Variants in GNG4 observed in about 807,000 individuals in gnomAD.
The protein encoded by GNG4 is G protein subunit gamma 4.
In GNG4, 4 loss-of-function variants were observed where a neutral mutation model predicts 5.8. The observed-to-expected ratio is 0.69, with a 90% CI of 0.34 to 1.57. The LOEUF (loss-of-function observed/expected upper bound fraction) is 1.57. GNG4 is among the 40% of genes most tolerant of loss of function. The probability of loss-of-function intolerance (pLI) is 0.06; values close to 1 mark genes in which losing one functional copy is unlikely to be tolerated. For synonymous variants in GNG4, 29 were observed against 32.9 expected (o/e 0.88, Z 0.41); for missense variants, 96 against 95.1 (o/e 1.01, Z -0.04).
intron 3 of GNG4, among the ~76,000 whole-genome samples, chr1:235,581,512 C>T (rs1376375407): frequency 6.6e-6 from 1 of 150,732 alleles, no homozygotes; most frequent in African/African-American, 2.4e-5. Context: ...GAGACTCCGT[C>T]TCAAAAAAGA....
chr1:235,622,746 T>C (rs906641160), intron 1 of GNG4, among the ~76,000 whole-genome samples: 1 of 151,582 alleles, frequency 6.6e-6, no homozygotes, highest in South Asian at 2.1e-4. Flanking sequence ...TCAGGTGTGG[T>C]GGTGGACCCC....
At chr1:235,650,097 G>A (rs1490409506), upstream of GNG4, 1 of 146,276 alleles carries the variant, frequency 6.8e-6, no homozygotes, top group Non-Finnish European at 1.5e-5. Context: ...CGCGCTCCCC[G>A]CCCCCGCCCC....
At chr1:235,623,060 T>G (rs1250640811) in intron 1 of GNG4, among the ~76,000 whole-genome samples, 2 of 151,504 alleles carry the variant, frequency 1.3e-5, no homozygotes, top group South Asian at 4.2e-4. Flanking sequence ...TAAAAAAGAA[T>G]GAGATGATCC....
chr1:235,561,299 G>A (rs182593581), intron 3 of GNG4, among the ~76,000 whole-genome samples: 29 of 152,240 alleles, frequency 1.9e-4, no homozygotes, highest in Middle Eastern at 3.4e-3. Context: ...GTGAGCCACC[G>A]CGCCCGGCCA....
intron 1 of GNG4, among the ~76,000 whole-genome samples, chr1:235,631,580 T>C (rs1006067490): frequency 4.0e-5 from 6 of 151,852 alleles, no homozygotes; most frequent in African/African-American, 1.5e-4. Flanking sequence ...TCTTTCTTTT[T>C]TTTTTTTTCA....
rs116518724 is a variant in GNG4, at chr1:235,593,294, A to G, written c.-11+2106T>C. On this transcript the variant is annotated intron_variant, in intron 2 of 3. Coordinates refer to ENST00000391854, the MANE Select transcript of GNG4 (RefSeq NM_001098722.2). Reference sequence around the variant, plus strand: ...GGCTGCATCTTGCAGCACACAACTCAGTAAATACAAAGTTGGGGCTGGGAG... The same window carrying G: ...GGCTGCATCTTGCAGCACACAACTCGGTAAATACAAAGTTGGGGCTGGGAG... 8.8e-3 allele frequency among the ~76,000 whole-genome samples: 1,344 copies of G among 152,304 alleles called. 22 individuals are homozygous for G. The highest frequency in any genetic ancestry group is 0.031 in the African/African-American group (1,284 of 41,566).
chr1:235,552,799 T>G (rs1686788919), intron 3 of GNG4, among the ~76,000 whole-genome samples: 1 of 152,168 alleles, frequency 6.6e-6, no homozygotes, highest in Non-Finnish European at 1.5e-5. Flanking sequence ...TCTCGCTCTG[T>G]TGCCCAGGCT....
intron 3 of GNG4, among the ~76,000 whole-genome samples, chr1:235,569,098 A>G (rs1687273248): frequency 6.6e-6 from 1 of 152,158 alleles, no homozygotes; most frequent in Admixed American, 6.5e-5. Context: ...AAGTGCTGGG[A>G]CAACAGGTGT....
chr1:235,633,734 C>T (rs1219669258), intron 1 of GNG4, among the ~76,000 whole-genome samples: 1 of 152,134 alleles, frequency 6.6e-6, no homozygotes, highest in Non-Finnish European at 1.5e-5. Flanking sequence ...TGCAATCCTC[C>T]CACCTCAGCC....
At chr1:235,613,808 T>C (rs1571913580) in intron 1 of GNG4, among the ~76,000 whole-genome samples, 1 of 152,258 alleles carries the variant, frequency 6.6e-6, no homozygotes, top group East Asian at 1.9e-4. Context: ...GTAACAGAGC[T>C]AGGTAGTTGC....
At chr1:235,617,847 C>T (rs561502565) in intron 1 of GNG4, among the ~76,000 whole-genome samples, 49 of 149,794 alleles carry the variant, frequency 3.3e-4, no homozygotes, top group African/African-American at 9.8e-4. Context: ...ATTGTGCCAC[C>T]GCACTCCACC....
chr1:235,562,674 A>AAAAAAAAAAAAAAAAAAAAAAAAAG (rs1687098283), intron 3 of GNG4, among the ~76,000 whole-genome samples: 1 of 120,538 alleles, frequency 8.3e-6, no homozygotes, highest in Non-Finnish European at 1.7e-5. Context: ...AAAAAAAAAG[A>AAAAAAAAAAAAAAAAAAAAAAAAAG]AAAAAAAAAA....
intron 1 of GNG4, among the ~76,000 whole-genome samples, chr1:235,639,108 A>G (rs574644567): frequency 2.6e-5 from 4 of 152,138 alleles, no homozygotes; most frequent in Non-Finnish European, 5.9e-5. Flanking sequence ...TCTTATGAGA[A>G]CCTTTGTGAC....
chr1:235,583,972 T>C (rs1428860476), intron 2 of GNG4, 124 bp from the exon 3 acceptor site: 2 of 538,264 alleles, frequency 3.7e-6, no homozygotes, highest in Non-Finnish European at 6.7e-6. Flanking sequence ...GGACAGCATT[T>C]GGTAGAAAAC....
At chr1:235,590,691 C>T (rs1687938451) in intron 2 of GNG4, among the ~76,000 whole-genome samples, 1 of 152,172 alleles carries the variant, frequency 6.6e-6, no homozygotes, top group Non-Finnish European at 1.5e-5. Context: ...TTTGTGTTTT[C>T]TCTCTCCAAG....
intron 1 of GNG4, among the ~76,000 whole-genome samples, chr1:235,623,276 G>A (rs1166572145): frequency 6.6e-6 from 1 of 152,108 alleles, no homozygotes; most frequent in Non-Finnish European, 1.5e-5. Flanking sequence ...GGATCACAGG[G>A]TTCCCTTTCC....
In GNG4 at chr1:235,551,775, T is replaced by C. The variant is rs1472305292; in HGVS notation, c.*334A>G. 6.2e-6 allele frequency: 1 copy of C among 160,768 alleles called. No individual in the cohort carries two copies. Among genetic ancestry groups the C allele is most frequent in the African/African-American group, 2.4e-5 (1 of 41,564 alleles). The allele number at this position is 160,768 out of a possible 1,614,324, so 10.0% of individuals were successfully genotyped here. On this transcript the variant is annotated 3_prime_UTR_variant, in exon 4 of 4. Transcript: ENST00000391854. ...ATAGTTTTTTTTTTAAAATAAATTA[T>C]CCACTGAAATGTATTAATATGATAT...
Position 235,551,884 on chromosome 1 carries a change from A to G in GNG4, c.*225T>C, listed in dbSNP as rs1686759044. The G allele has an allele frequency of 2.4e-6, 1 of 409,574 alleles. No individual in the cohort carries two copies. Among genetic ancestry groups the G allele is most frequent in the East Asian group, 4.5e-5 (1 of 22,350 alleles). The allele number at this position is 409,574 out of a possible 1,614,324, so 25.4% of individuals were successfully genotyped here. On this transcript the variant is annotated 3_prime_UTR_variant, in exon 4 of 4. Transcript: ENST00000391854. ...TGGCACATTTGTTATTTGGCTATAAACATTTTGATTTTCTTTGCCAATAAT... is the reference window on the plus strand; with the variant it reads ...TGGCACATTTGTTATTTGGCTATAAGCATTTTGATTTTCTTTGCCAATAAT...
chr1:235,596,066 T>G (rs953130158), intron 1 of GNG4, among the ~76,000 whole-genome samples: 8 of 151,880 alleles, frequency 5.3e-5, no homozygotes, highest in African/African-American at 1.9e-4. Flanking sequence ...CCCAGCTACC[T>G]GGGAGGCTGA....
Sources: gnomAD v4.1 joint callset for allele counts (sites outside exome capture counted in the v4.1 genomes callset) on GRCh38, gnomAD v4.1.1 for gene constraint, MANE v1.5 for transcripts, NCBI Gene and HGNC (gene_info 2026-07-23, HGNC 2026-07-21) for gene names.